GRHL2: variants seen among roughly 807,000 people sequenced by gnomAD.
The protein encoded by GRHL2 is grainyhead-like protein 2 homolog.
Under a neutral mutation model 83.8 loss-of-function variants are expected in GRHL2, and 21 were observed. That is an observed-to-expected ratio of 0.25 (90% confidence interval 0.18 to 0.36). The LOEUF (loss-of-function observed/expected upper bound fraction) is 0.36, where lower values mean the gene tolerates loss of function less well. Ranked by LOEUF, GRHL2 falls within the 10% of genes least tolerant of loss-of-function variation. The pLI is 1.00. For missense variants in GRHL2, 623 were observed against 781.8 expected, an observed-to-expected ratio of 0.80 and a Z score of 2.42; for synonymous variants, 280 against 278.9, an observed-to-expected ratio of 1.00 and a Z score of -0.04.
chr8:101,633,319 C>A (rs752851671), intron 11 of GRHL2, among the ~76,000 whole-genome samples: 54 of 152,206 alleles, frequency 3.5e-4, no homozygotes, highest in Admixed American at 1.4e-3. Flanking sequence ...AATTAGTTTT[C>A]TTTTAAACCC....
chr8:101,546,387 T>G, intron 2 of GRHL2, among the ~76,000 whole-genome samples: 1 of 151,690 alleles, frequency 6.6e-6, no homozygotes, highest in Admixed American at 6.6e-5. Flanking sequence ...AAGAGAAGCA[T>G]ATCCTGAAAC....
intron 1 of GRHL2, among the ~76,000 whole-genome samples, chr8:101,536,262 G>GTA (rs1362165110): frequency 6.6e-6 from 1 of 152,168 alleles, no homozygotes; most frequent in African/African-American, 2.4e-5. Context: ...AAGAGTCATA[G>GTA]TATACTCTGA....
chr8:101,624,450 A>G (rs373321069), intron 9 of GRHL2, among the ~76,000 whole-genome samples: 5,253 of 151,668 alleles, frequency 0.035, 130 homozygotes, highest in Middle Eastern at 0.11. Context: ...AGGACAGTTT[A>G]CAGTACACAG....
At chr8:101,537,914 TA>T (rs1254850430) in intron 1 of GRHL2, among the ~76,000 whole-genome samples, 4 of 152,228 alleles carry the variant, frequency 2.6e-5, no homozygotes, top group African/African-American at 9.6e-5. Flanking sequence ...TTTTCTTTTT[TA>T]AAAAAATTTC....
intron 12 of GRHL2, among the ~76,000 whole-genome samples, chr8:101,641,618 G>A (rs1433985452): frequency 6.6e-6 from 1 of 152,144 alleles, no homozygotes. Context: ...ATTTCCCTGA[G>A]TTGATCCTAC....
In GRHL2 at chr8:101,515,073, C is replaced by G. The variant is rs963295537; in HGVS notation, c.20+22284C>G. Among the ~76,000 whole-genome samples the G allele has an allele frequency of 2.7e-5, 4 of 149,930 alleles. No homozygotes were observed. In the East Asian group the frequency reaches 7.8e-4, roughly 29 times the overall value. On this transcript the variant is annotated intron_variant, in intron 1 of 15. Transcript: ENST00000646743. ...TCCTTCCTTCCTTCCCTTGTTCCTA[C>G]CTCCCTCCCTCCCTCCTTATAGGGA...
intron 1 of GRHL2, among the ~76,000 whole-genome samples, chr8:101,531,504 A>C (rs1428337427): frequency 6.6e-6 from 1 of 152,190 alleles, no homozygotes; most frequent in African/African-American, 2.4e-5. Context: ...AAAAGTAGAA[A>C]GGAGAAAATA....
intron 4 of GRHL2, among the ~76,000 whole-genome samples, chr8:101,560,750 G>A (rs1811591530): frequency 2.6e-5 from 4 of 152,154 alleles, no homozygotes; most frequent in South Asian, 4.1e-4. Context: ...TTTATGTGTA[G>A]TGAGGTTGAA....
intron 12 of GRHL2, among the ~76,000 whole-genome samples, chr8:101,643,809 C>G (rs1335088355): frequency 2.6e-5 from 4 of 152,252 alleles, no homozygotes; most frequent in Non-Finnish European, 5.9e-5. Flanking sequence ...TACTTCCCCC[C>G]AGCCCCGATC....
At chr8:101,676,858 A>G in the GRHL2 span, among the ~76,000 whole-genome samples, 1 of 152,192 alleles carries the variant, frequency 6.6e-6, no homozygotes, top group Non-Finnish European at 1.5e-5. Context: ...GGGCACATAT[A>G]CACCATGGAA....
intron 1 of GRHL2, among the ~76,000 whole-genome samples, chr8:101,539,046 C>G (rs927968183): frequency 6.6e-5 from 10 of 152,128 alleles, no homozygotes; most frequent in African/African-American, 2.4e-4. Flanking sequence ...ATGAAATCAG[C>G]AAGCTAAGAG....
At chr8:101,588,019 A>C (rs1048938496) in intron 7 of GRHL2, among the ~76,000 whole-genome samples, 1 of 152,256 alleles carries the variant, frequency 6.6e-6, no homozygotes, top group Non-Finnish European at 1.5e-5. Context: ...AAATAAGGTA[A>C]AGCTAATCTG....
intron 1 of GRHL2, among the ~76,000 whole-genome samples, chr8:101,501,730 G>T (rs1388119662): frequency 6.6e-6 from 1 of 152,108 alleles, no homozygotes; most frequent in Non-Finnish European, 1.5e-5. Flanking sequence ...GCATCGTAGG[G>T]CATGTGAGTG....
At chr8:101,562,824 T>C (rs1309552886) in intron 4 of GRHL2, among the ~76,000 whole-genome samples, 2 of 152,178 alleles carry the variant, frequency 1.3e-5, no homozygotes, top group South Asian at 2.1e-4. Context: ...GGTTCTCTAC[T>C]TTTCAGCCCA....
chr8:101,620,568 G>T (rs757374836), intron 9 of GRHL2, among the ~76,000 whole-genome samples: 32 of 152,264 alleles, frequency 2.1e-4, no homozygotes, highest in Admixed American at 1.4e-3. Flanking sequence ...TGAAAAATGT[G>T]AACAGCAAAA....
downstream of GRHL2, among the ~76,000 whole-genome samples, chr8:101,670,686 T>G (rs1814190172): frequency 6.6e-6 from 1 of 152,206 alleles, no homozygotes; most frequent in Non-Finnish European, 1.5e-5. Context: ...AGCCTCCCCC[T>G]TGGCCTGTGG....
the GRHL2 span, among the ~76,000 whole-genome samples, chr8:101,679,598 A>C: frequency 6.6e-6 from 1 of 151,004 alleles, no homozygotes; most frequent in Non-Finnish European, 1.5e-5. Context: ...CTCCTCGAGA[A>C]GAGCAACTCC....
chr8:101,493,648 G>A (rs1345204964), intron 1 of GRHL2, among the ~76,000 whole-genome samples: 2 of 152,142 alleles, frequency 1.3e-5, no homozygotes, highest in East Asian at 1.9e-4. Flanking sequence ...CCACGCAGTT[G>A]GCCGCCACCT....
At chr8:101,537,382 A>G (rs112109684) in intron 1 of GRHL2, among the ~76,000 whole-genome samples, 2,817 of 152,314 alleles carry the variant, frequency 0.018, 22 homozygotes, top group Middle Eastern at 0.048. Context: ...TTAGGAAAGA[A>G]TGGTTGGCTA....
Sources: allele counts gnomAD v4.1 joint callset (sites outside exome capture counted in the v4.1 genomes callset), GRCh38; gene constraint gnomAD v4.1.1; transcripts MANE v1.5; gene names NCBI Gene and HGNC (gene_info 2026-07-23, HGNC 2026-07-21).